The following LRRC37A variants were observed in gnomAD, a reference collection of about 807,000 sequenced individuals.
The protein encoded by LRRC37A is leucine rich repeat containing 37A, also known as leucine-rich repeat-containing protein 37A.
In LRRC37A, 3 loss-of-function variants were observed where a neutral mutation model predicts 35.4. The observed-to-expected ratio is 0.08, with a 90% CI of 0.04 to 0.22. The LOEUF (loss-of-function observed/expected upper bound fraction) is 0.22. LRRC37A is among the 10% of genes least tolerant of loss of function. LRRC37A has a pLI of 1.00. For synonymous variants in LRRC37A, 23 were observed against 215.0 expected, an observed-to-expected ratio of 0.11 and a Z score of 7.81; for missense variants, 67 against 565.3, an observed-to-expected ratio of 0.12 and a Z score of 8.94.
the LRRC37A span, chr17:46,260,616 T>TTA: frequency 2.1e-5 from 28 of 1,356,598 alleles, no homozygotes; most frequent in Middle Eastern, 2.2e-4. Context: ...TGGCTCTCTA[T>TTA]TCTCTTTTTT....
At chr17:46,268,091 T>A in the LRRC37A span, among the ~76,000 whole-genome samples, 1 of 152,090 alleles carries the variant, frequency 6.6e-6, no homozygotes, top group South Asian at 2.1e-4. Context: ...TCTAGGCATG[T>A]GCTCTGGGAA....
upstream of LRRC37A, among the ~76,000 whole-genome samples, chr17:46,289,160 G>T (rs1429488066): frequency 1.3e-5 from 2 of 152,222 alleles, no homozygotes; most frequent in Non-Finnish European, 2.9e-5. Flanking sequence ...TTGGTGTAAA[G>T]AAATCATATC....
chr17:46,289,669 A>G (rs1256399420), upstream of LRRC37A, among the ~76,000 whole-genome samples: 3 of 152,222 alleles, frequency 2.0e-5, no homozygotes, highest in African/African-American at 7.2e-5. Flanking sequence ...AATTTCTACA[A>G]TAATTTTAAA....
At chr17:46,331,640 T>C in exon 9 of LRRC37A, 1 of 797,910 alleles carries the variant, frequency 1.3e-6, no homozygotes, top group East Asian at 2.7e-5. Context: ...CACTGACCTG[T>C]CCCCCGAGCC....
chr17:46,260,620 C>CATT, the LRRC37A span: 2 of 1,076,428 alleles, frequency 1.9e-6, no homozygotes, highest in Non-Finnish European at 2.5e-6. Context: ...TCTCTATTCT[C>CATT]TTTTTTTTTT....
chr17:46,267,254 T>G, the LRRC37A span: 1 of 894,086 alleles, frequency 1.1e-6, no homozygotes, highest in Non-Finnish European at 1.7e-6. Flanking sequence ...GCCGTTTCGC[T>G]GTTGCTAAAA....
At chr17:46,249,837 C>T in the LRRC37A span, among the ~76,000 whole-genome samples, 4 of 152,208 alleles carry the variant, frequency 2.6e-5, no homozygotes, top group Admixed American at 2.6e-4. Flanking sequence ...TGGAGTCTCG[C>T]TCTGTCGCCC....
At chr17:46,284,040 C>T in the LRRC37A span, among the ~76,000 whole-genome samples, 7 of 152,278 alleles carry the variant, frequency 4.6e-5, no homozygotes, top group Admixed American at 6.5e-5. Context: ...AACATACAAT[C>T]GGGTTTTATA....
the LRRC37A span, among the ~76,000 whole-genome samples, chr17:46,284,172 A>G: frequency 0.015 from 1,936 of 125,698 alleles, no homozygotes; most frequent in Middle Eastern, 0.036. Flanking sequence ...TAAGGGTGTC[A>G]GGCTGGGGGA....
chr17:46,248,538 T>C, the LRRC37A span, among the ~76,000 whole-genome samples: 4 of 152,074 alleles, frequency 2.6e-5, no homozygotes, highest in Non-Finnish European at 5.9e-5. Context: ...TTTTTCTTTT[T>C]TGAGATGGAG....
chr17:46,269,152 G>T, the LRRC37A span, among the ~76,000 whole-genome samples: 1 of 152,086 alleles, frequency 6.6e-6, no homozygotes, highest in Non-Finnish European at 1.5e-5. Flanking sequence ...AACAGTAAGC[G>T]CACTAGTCAA....
At chr17:46,260,522 A>G in the LRRC37A span, 5 of 1,605,926 alleles carry the variant, frequency 3.1e-6, no homozygotes, top group Non-Finnish European at 3.4e-6. Flanking sequence ...CACCTGCACC[A>G]GGCGATGCCT....
the LRRC37A span, among the ~76,000 whole-genome samples, chr17:46,264,146 C>CT: frequency 0.041 from 5,664 of 138,570 alleles, 210 homozygotes; most frequent in African/African-American, 0.072. Context: ...CCTCAGCTGA[C>CT]TTTTTTTTTT....
At chr17:46,279,206 CAG>C in the LRRC37A span, among the ~76,000 whole-genome samples, 1 of 130,202 alleles carries the variant, frequency 7.7e-6, no homozygotes, top group East Asian at 2.3e-4. Context: ...TTTTTTGAGA[CAG>C]AGTCTCGCTC....
the LRRC37A span, among the ~76,000 whole-genome samples, chr17:46,286,102 C>A: frequency 6.6e-6 from 1 of 152,172 alleles, no homozygotes; most frequent in African/African-American, 2.4e-5. Context: ...CTGCAAGATC[C>A]GAAATGGAAA....
chr17:46,252,522 C>T, the LRRC37A span, among the ~76,000 whole-genome samples: 4 of 148,754 alleles, frequency 2.7e-5, no homozygotes, highest in South Asian at 4.2e-4. Flanking sequence ...GACCCTGCGC[C>T]TTCCGCAGTC....
At chr17:46,274,461 TGTG>T in the LRRC37A span, among the ~76,000 whole-genome samples, 3 of 152,170 alleles carry the variant, frequency 2.0e-5, no homozygotes, top group Non-Finnish European at 4.4e-5. Flanking sequence ...GATTCGCAGT[TGTG>T]TGTGTGTGCA....
At chr17:46,284,429 C>G in the LRRC37A span, among the ~76,000 whole-genome samples, 3 of 152,236 alleles carry the variant, frequency 2.0e-5, no homozygotes, top group Non-Finnish European at 4.4e-5. Flanking sequence ...CAGCACATGT[C>G]TCAGAGAGCA....
intron 5 of LRRC37A, among the ~76,000 whole-genome samples, chr17:46,321,362 A>AAG (rs2051361212): frequency 2.9e-5 from 2 of 67,834 alleles, no homozygotes; most frequent in African/African-American, 9.6e-5. Flanking sequence ...TCTCAGAAAA[A>AAG]AAAAAAAAAA....
Sources: gnomAD v4.1 joint callset for allele counts (sites outside exome capture counted in the v4.1 genomes callset) on GRCh38, gnomAD v4.1.1 for gene constraint, MANE v1.5 for transcripts, NCBI Gene and HGNC (gene_info 2026-07-23, HGNC 2026-07-21) for gene names.